The following PTPRQ variants were observed in gnomAD, a reference collection of about 807,000 sequenced individuals.
PTPRQ encodes the protein protein tyrosine phosphatase receptor type Q, also known as phosphatidylinositol phosphatase PTPRQ.
A neutral mutation model predicts 246.0 loss-of-function variants in PTPRQ; 199 were observed. The observed-to-expected ratio is 0.81, with a 90% confidence interval of 0.72 to 0.91. The LOEUF (loss-of-function observed/expected upper bound fraction) is 0.91. Among genes scored for constraint, PTPRQ ranks in the 40% least tolerant of loss-of-function variants. The probability of loss-of-function intolerance (pLI) is 0.00; values close to 1 mark genes in which losing one functional copy is unlikely to be tolerated. For synonymous variants in PTPRQ, 869 were observed against 853.2 expected (o/e 1.02, Z -0.32); for missense variants, 2,624 against 2,528.4 (o/e 1.04, Z -0.81).
At chr12:80,520,337 T>A (rs1251941469) in intron 17 of PTPRQ, among the ~76,000 whole-genome samples, 1 of 152,144 alleles carries the variant, frequency 6.6e-6, no homozygotes, top group African/African-American at 2.4e-5. Flanking sequence ...ATTTTATGTC[T>A]TTAATCACAT....
chr12:80,485,380 C>A (rs1444645747), intron 9 of PTPRQ, among the ~76,000 whole-genome samples: 1 of 152,150 alleles, frequency 6.6e-6, no homozygotes, highest in Non-Finnish European at 1.5e-5. Flanking sequence ...ACCAGTGCAG[C>A]AATCACTGGG....
At chr12:80,580,585 G>A (rs577816261) in intron 25 of PTPRQ, among the ~76,000 whole-genome samples, 2 of 152,082 alleles carry the variant, frequency 1.3e-5, no homozygotes. Context: ...ATAAATGAGG[G>A]TTACTGCTGG....
intron 35 of PTPRQ, among the ~76,000 whole-genome samples, chr12:80,641,110 T>C (rs776454234): frequency 1.6e-4 from 25 of 152,198 alleles, no homozygotes; most frequent in Non-Finnish European, 3.2e-4. Flanking sequence ...ATGGCATATT[T>C]CATGGAAACG....
At chr12:80,658,982 GA>G (rs1185535847) in intron 39 of PTPRQ, among the ~76,000 whole-genome samples, 1 of 151,572 alleles carries the variant, frequency 6.6e-6, no homozygotes, top group Non-Finnish European at 1.5e-5. Flanking sequence ...TGTCATGGAG[GA>G]AAAAAACGAA....
At chr12:80,517,105 G>T (rs1450656178) in intron 17 of PTPRQ, among the ~76,000 whole-genome samples, 1 of 152,076 alleles carries the variant, frequency 6.6e-6, no homozygotes, top group Non-Finnish European at 1.5e-5. Flanking sequence ...TGAAGCTTGA[G>T]TGCCAAGGTC....
chr12:80,512,110 G>A (rs1895143058), intron 17 of PTPRQ, among the ~76,000 whole-genome samples: 1 of 152,170 alleles, frequency 6.6e-6, no homozygotes, highest in African/African-American at 2.4e-5. Flanking sequence ...AAGAAAAAGA[G>A]AAGAATCAAA....
At chr12:80,454,685 G>C in intron 3 of PTPRQ, 1 of 567,780 alleles carries the variant, frequency 1.8e-6, no homozygotes, top group South Asian at 2.4e-5. Context: ...AAGGGATATT[G>C]GATTTTATTA....
chr12:80,542,092 C>G lies in PTPRQ; in HGVS notation c.3449C>G (p.Pro1150Arg), dbSNP rs1287033062. The G allele has an allele frequency of 6.5e-7, 1 of 1,543,962 alleles. No individual in the cohort carries two copies. Among genetic ancestry groups the G allele is most frequent in the African/African-American group, 1.4e-5 (1 of 72,474 alleles). Residue 1150 changes from proline to arginine, a missense_variant, in exon 22 of 45, where the codon CCA (proline) becomes CGA (arginine). Physicochemically the swap from Pro to Arg is moderately radical, Grantham distance 103 (BLOSUM62 -2). Coordinates refer to ENST00000644991, the MANE Select transcript of PTPRQ (RefSeq NM_001145026.2). The part of the protein sequence containing the change: ...QLYIKTEEDV[P>R]ETSPIINTFK... ...ATATTCTCTTTTTCTTTTATAGTCC[C>G]AGAAACTTCACCAATAATCAACACT...
chr12:80,608,544 G>C (rs1294791122), intron 27 of PTPRQ, among the ~76,000 whole-genome samples: 1 of 131,210 alleles, frequency 7.6e-6, no homozygotes, highest in Non-Finnish European at 1.7e-5. Context: ...CATTGGAAGA[G>C]TATAATTTAT....
At chr12:80,536,128 A>G (rs1374065181) in intron 19 of PTPRQ, among the ~76,000 whole-genome samples, 1 of 152,174 alleles carries the variant, frequency 6.6e-6, no homozygotes, top group Non-Finnish European at 1.5e-5. Flanking sequence ...AAAAACACGA[A>G]TTTAGAAGAA....
intron 14 of PTPRQ, among the ~76,000 whole-genome samples, chr12:80,501,969 G>T (rs2120680450): frequency 6.6e-6 from 1 of 151,846 alleles, no homozygotes; most frequent in South Asian, 2.1e-4. Flanking sequence ...AATGAGGAAT[G>T]GCAAATTTTG....
At chr12:80,482,187 A>G (rs1352270088) in intron 8 of PTPRQ, among the ~76,000 whole-genome samples, 1 of 150,750 alleles carries the variant, frequency 6.6e-6, no homozygotes, top group Non-Finnish European at 1.5e-5. Flanking sequence ...ATATAGATCA[A>G]TGGAACAGAA....
At chr12:80,581,952 A>T (rs1897452853) in intron 25 of PTPRQ, among the ~76,000 whole-genome samples, 1 of 152,192 alleles carries the variant, frequency 6.6e-6, no homozygotes, top group Admixed American at 6.5e-5. Context: ...TGTTGACAGG[A>T]GTAGGTATTG....
intron 25 of PTPRQ, among the ~76,000 whole-genome samples, chr12:80,582,036 G>A (rs987410475): frequency 6.6e-6 from 1 of 152,112 alleles, no homozygotes; most frequent in African/African-American, 2.4e-5. Flanking sequence ...ACCTAGCAAC[G>A]ATTATCCTAC....
At chr12:80,594,056 A>G (rs1409594127) in intron 26 of PTPRQ, among the ~76,000 whole-genome samples, 1 of 152,194 alleles carries the variant, frequency 6.6e-6, no homozygotes, top group Non-Finnish European at 1.5e-5. Flanking sequence ...ATGCCTCATC[A>G]AAGAAGTTTC....
At chr12:80,576,439 C>T (rs867171086) in intron 25 of PTPRQ, among the ~76,000 whole-genome samples, 9 of 151,516 alleles carry the variant, frequency 5.9e-5, no homozygotes, top group South Asian at 2.1e-4. Context: ...CCATGCCTGG[C>T]GAGCCAGTTT....
chr12:80,549,780 TG>T, intron 25 of PTPRQ, 46 bp downstream of exon 25: 1 of 1,492,044 alleles, frequency 6.7e-7, no homozygotes, highest in African/African-American at 1.4e-5. Flanking sequence ...TTTAACTATT[TG>T]GGGATTGTGT....
At chr12:80,631,059 G>A (rs1232417375) in intron 33 of PTPRQ, among the ~76,000 whole-genome samples, 1 of 152,064 alleles carries the variant, frequency 6.6e-6, no homozygotes, top group Non-Finnish European at 1.5e-5. Context: ...CATTTATGCA[G>A]CAAAATTATC....
rs922802117 is a variant in PTPRQ, at chr12:80,649,577, T to A, written c.5943-11T>A. 2 of 1,549,890 alleles carry A rather than the reference T, an allele frequency of 1.3e-6. No homozygotes were observed. The highest frequency in any genetic ancestry group is 2.0e-5 in the Admixed American group (1 of 50,904). On this transcript the variant is annotated splice_polypyrimidine_tract_variant and intron_variant, in intron 36 of 44. Transcript: ENST00000644991. ...AACATGACCCTATTTTATACCTTTC[T>A]TTACTTGGAGGCCAATAAGCAAGAA... is the stretch of plus-strand genomic sequence containing the variant.
Sources: gnomAD v4.1 joint callset for allele counts (sites outside exome capture counted in the v4.1 genomes callset) on GRCh38, gnomAD v4.1.1 for gene constraint, MANE v1.5 for transcripts, NCBI Gene and HGNC (gene_info 2026-07-23, HGNC 2026-07-21) for gene names.